Variants in PHC3 observed in about 807,000 individuals in gnomAD.
PHC3 encodes polyhomeotic-like protein 3.
PHC3 carries 13 observed loss-of-function variants against 107.4 expected under a neutral mutation model. That is an observed-to-expected ratio of 0.12 (90% CI 0.08 to 0.19). The LOEUF (loss-of-function observed/expected upper bound fraction) is 0.19. Ranked by LOEUF, PHC3 falls within the 10% of genes least tolerant of loss-of-function variation. The probability of loss-of-function intolerance (pLI) is 1.00; values close to 1 mark genes in which losing one functional copy is unlikely to be tolerated. For synonymous variants in PHC3, 456 were observed against 427.4 expected (o/e 1.07, Z -0.83); for missense variants, 992 against 1,210.9 (o/e 0.82, Z 2.68).
chr3:170,145,285 G>C (rs1724763755), intron 6 of PHC3, 138 bp downstream of exon 6: 1 of 571,576 alleles, frequency 1.7e-6, no homozygotes, highest in Non-Finnish European at 3.0e-6. Flanking sequence ...AGTTCTCATT[G>C]TATTTTATTA....
At chr3:170,167,729 C>T (rs1041259497) in intron 4 of PHC3, among the ~76,000 whole-genome samples, 1 of 147,380 alleles carries the variant, frequency 6.8e-6, no homozygotes, top group Non-Finnish European at 1.5e-5. Flanking sequence ...CACTGCACTC[C>T]AGCCTGGGCG....
At chr3:170,110,462 TA>T (rs1475239025) in intron 11 of PHC3, among the ~76,000 whole-genome samples, 3 of 152,206 alleles carry the variant, frequency 2.0e-5, no homozygotes, top group Non-Finnish European at 2.9e-5. Context: ...CTGTTTATCC[TA>T]AATCTATGCA....
At chr3:170,160,890 G>C (rs1727784003) in intron 4 of PHC3, among the ~76,000 whole-genome samples, 1 of 152,186 alleles carries the variant, frequency 6.6e-6, no homozygotes, top group Admixed American at 6.5e-5. Context: ...CTGGGTGACA[G>C]AGGGAGACTC....
intron 4 of PHC3, among the ~76,000 whole-genome samples, chr3:170,154,635 G>A (rs1726595959): frequency 6.6e-6 from 1 of 152,214 alleles, no homozygotes; most frequent in Non-Finnish European, 1.5e-5. Flanking sequence ...AAAAAGAAAA[G>A]AGGAAGTGAA....
chr3:170,136,104 G>A (rs1453035151), intron 7 of PHC3, among the ~76,000 whole-genome samples: 2 of 151,968 alleles, frequency 1.3e-5, no homozygotes, highest in African/African-American at 4.8e-5. Flanking sequence ...TCCCACTGAA[G>A]TATATTAAAT....
chr3:170,166,106 G>A (rs1210570921), intron 4 of PHC3, among the ~76,000 whole-genome samples: 1 of 152,038 alleles, frequency 6.6e-6, no homozygotes, highest in Non-Finnish European at 1.5e-5. Flanking sequence ...GTGCAGTGGT[G>A]TGATCTCGGC....
chr3:170,180,739 G>T (rs1731256752), intron 1 of PHC3, among the ~76,000 whole-genome samples: 1 of 152,126 alleles, frequency 6.6e-6, no homozygotes, highest in East Asian at 1.9e-4. Flanking sequence ...TTAAGTTCTG[G>T]TTTTTTAAAA....
At chr3:170,143,030 A>G (rs1403415267) in intron 6 of PHC3, among the ~76,000 whole-genome samples, 1 of 152,036 alleles carries the variant, frequency 6.6e-6, no homozygotes, top group Non-Finnish European at 1.5e-5. Flanking sequence ...TACAAAGACT[A>G]GCCAGGTGTG....
At chr3:170,127,647 A>G (rs1721562003) in intron 8 of PHC3, among the ~76,000 whole-genome samples, 1 of 152,196 alleles carries the variant, frequency 6.6e-6, no homozygotes, top group African/African-American at 2.4e-5. Flanking sequence ...TATTAATAAT[A>G]AAAAATACTT....
intron 4 of PHC3, 132 bp from the exon 5 acceptor site, chr3:170,149,376 C>G: frequency 1.4e-6 from 1 of 702,438 alleles, no homozygotes; most frequent in Non-Finnish European, 2.2e-6. Flanking sequence ...AAGCCTTTAT[C>G]TTTGACAGAC....
At chr3:170,116,320 T>C (rs117595774) in intron 10 of PHC3, among the ~76,000 whole-genome samples, 2,896 of 152,220 alleles carry the variant, frequency 0.019, 225 homozygotes, top group Admixed American at 0.13. Flanking sequence ...ATCCAAGCAC[T>C]TTGGGAGGCT....
Position 170,167,300 on chromosome 3 carries a change from C to T in PHC3, c.414+4073G>A, listed in dbSNP as rs1290136970. On this transcript the variant is annotated intron_variant, in intron 4 of 14. Coordinates refer to ENST00000495893, the MANE Select transcript of PHC3 (RefSeq NM_024947.4). The stretch of plus-strand genomic sequence containing the variant: ...AGTAGCTGGAACTACAGGCGCTTGC[C>T]ACCACATCCAGCTAATTTTTTGTTG... Among the ~76,000 whole-genome samples the T allele has an allele frequency of 1.3e-5, 2 of 152,192 alleles. 1 individual carries two copies. The highest frequency in any genetic ancestry group is 1.3e-4 in the Admixed American group (2 of 15,284).
chr3:170,122,803 T>C (rs1720604125), intron 8 of PHC3, 59 bp from the exon 9 acceptor site: 4 of 1,558,642 alleles, frequency 2.6e-6, no homozygotes, highest in African/African-American at 2.7e-5. Flanking sequence ...TATCAGGTGT[T>C]CTTAATTTCA....
At chr3:170,136,725 T>A in intron 6 of PHC3, 60 bp from the exon 7 acceptor site, 1 of 1,538,978 alleles carries the variant, frequency 6.5e-7, no homozygotes, top group South Asian at 1.2e-5. Flanking sequence ...GATGTGGTCA[T>A]CATTACCATT....
intron 10 of PHC3, among the ~76,000 whole-genome samples, chr3:170,114,332 T>C (rs1718480981): frequency 6.6e-6 from 1 of 152,174 alleles, no homozygotes; most frequent in Non-Finnish European, 1.5e-5. Context: ...TCCATACGAA[T>C]GCAAGACAAA....
At chr3:170,175,690 C>T (rs1236514264) in intron 2 of PHC3, among the ~76,000 whole-genome samples, 12 of 151,758 alleles carry the variant, frequency 7.9e-5, no homozygotes, top group African/African-American at 2.4e-4. Context: ...TTTGGGAGGC[C>T]GAGGCGGGCG....
At chr3:170,113,328 A>G (rs940276035) in intron 11 of PHC3, 32 bp downstream of exon 11, 1 of 1,565,780 alleles carries the variant, frequency 6.4e-7, no homozygotes, top group Non-Finnish European at 8.6e-7. Context: ...TCAAAGTTAA[A>G]TTAAAGGGTA....
chr3:170,155,327 C>T (rs1368030158), intron 4 of PHC3, among the ~76,000 whole-genome samples: 1 of 152,214 alleles, frequency 6.6e-6, no homozygotes, highest in Non-Finnish European at 1.5e-5. Context: ...TTTGTGTCCA[C>T]TGCTGAGTAA....
In PHC3 at chr3:170,089,060, G is replaced by A. The variant is rs1047299756; in HGVS notation, c.*8170C>T. ...TGCATGCCAGTAATCCCAGCTACTTGGGAGGCCAAGGTGGGAGAATCTATT... is the reference window on the plus strand; with the variant it reads ...TGCATGCCAGTAATCCCAGCTACTTAGGAGGCCAAGGTGGGAGAATCTATT... On this transcript the variant is annotated 3_prime_UTR_variant, in exon 15 of 15. Transcript: ENST00000495893. 7.9e-5 allele frequency: 12 copies of A among 152,246 alleles called. No individual in the cohort carries two copies. Among genetic ancestry groups the A allele is most frequent in the Admixed American group, 7.9e-4 (12 of 15,280 alleles). 9.4% of individuals were successfully genotyped at this position (152,246 alleles called of 1,614,324 possible).
Sources: gnomAD v4.1 joint callset for allele counts (sites outside exome capture counted in the v4.1 genomes callset) on GRCh38, gnomAD v4.1.1 for gene constraint, MANE v1.5 for transcripts, NCBI Gene and HGNC (gene_info 2026-07-23, HGNC 2026-07-21) for gene names.